Variants in TAF5L observed in about 807,000 individuals in gnomAD.
TAF5L encodes the protein TAF5-like RNA polymerase II p300/CBP-associated factor-associated factor 65 kDa subunit 5L.
TAF5L carries 7 observed loss-of-function variants against 51.3 expected under a neutral mutation model. The observed-to-expected ratio is 0.14, with a 90% CI of 0.08 to 0.26. TAF5L has a LOEUF of 0.26. TAF5L is among the 10% of genes least tolerant of loss of function. The pLI, the probability that TAF5L is intolerant of heterozygous loss-of-function variation, is 1.00. For synonymous variants in TAF5L, 291 were observed against 308.1 expected, an observed-to-expected ratio of 0.94 and a Z score of 0.58; for missense variants, 575 against 758.9, an observed-to-expected ratio of 0.76 and a Z score of 2.85.
chr1:229,595,077 A>C, exon 5 of TAF5L: 1 of 1,600,032 alleles, frequency 6.2e-7, no homozygotes, highest in Non-Finnish European at 8.5e-7. Context: ...CCGTGCCTGC[A>C]TTATCATCCT....
chr1:229,618,661 T>C (rs968541810), intron 1 of TAF5L, among the ~76,000 whole-genome samples: 3 of 152,176 alleles, frequency 2.0e-5, no homozygotes, highest in South Asian at 2.1e-4. Flanking sequence ...TGGAGATACA[T>C]GGAACCCAGG....
intron 1 of TAF5L, among the ~76,000 whole-genome samples, chr1:229,621,420 A>C (rs1418615175): frequency 6.6e-6 from 1 of 152,190 alleles, no homozygotes; most frequent in Non-Finnish European, 1.5e-5. Flanking sequence ...ACCTTGATAC[A>C]CCTTACTGGG....
chr1:229,594,433 C>T lies in TAF5L; in HGVS notation c.1634G>A (p.Ser545Asn). The change falls in exon 5 of 5, where the codon AGT (serine) becomes AAT (asparagine). Residue 545 changes from serine to asparagine, a missense_variant. Transcript: ENST00000258281. The surrounding 1 kb of genome is among the most constrained non-coding windows in gnomAD (Gnocchi z 7.9). ...GCTGGAGGAGCCGTCGGCAGGTGCA[C>T]TGCAGTAAGTGTTCCTGATGTCCCA... 1 of 1,614,200 alleles carries T rather than the reference C, an allele frequency of 6.2e-7. No individual in the cohort carries two copies. The highest frequency in any genetic ancestry group is 8.5e-7 in the Non-Finnish European group (1 of 1,180,036).
chr1:229,599,825 G>A (rs139214688), intron 4 of TAF5L: 13 of 985,338 alleles, frequency 1.3e-5, no homozygotes, highest in East Asian at 2.3e-4. Flanking sequence ...TGTGAACACC[G>A]TTTCAAATAC....
At chr1:229,600,056 T>A in intron 4 of TAF5L, 1 of 976,970 alleles carries the variant, frequency 1.0e-6, no homozygotes, top group Admixed American at 6.1e-5. Context: ...TTATTTTTTT[T>A]AATATTCAAT....
chr1:229,607,445 G>A (rs1664637244), intron 3 of TAF5L: 2 of 985,380 alleles, frequency 2.0e-6, no homozygotes, highest in South Asian at 9.4e-5. Context: ...AGTTGTTCCT[G>A]TACAGTCGTC....
intron 4 of TAF5L, chr1:229,601,792 A>G (rs1664385017): frequency 2.0e-6 from 2 of 1,021,308 alleles, no homozygotes; most frequent in South Asian, 7.6e-5. Context: ...AATAATATTC[A>G]TTACAGTTGA....
chr1:229,622,999 G>C (rs543260931), intron 1 of TAF5L, among the ~76,000 whole-genome samples: 4 of 152,188 alleles, frequency 2.6e-5, no homozygotes, highest in Non-Finnish European at 5.9e-5. Flanking sequence ...TACTGCCGCC[G>C]GGCACGGTGG....
At chr1:229,614,082 A>G (rs1352403702) in intron 2 of TAF5L, 2 of 631,650 alleles carry the variant, frequency 3.2e-6, no homozygotes, top group Non-Finnish European at 5.6e-6. Flanking sequence ...AGATAAAGTA[A>G]CTGAGAAGTC....
rs928648760 is a variant in TAF5L at position 229,594,479 on chromosome 1, T to G, written c.1588A>C (p.Met530Leu). 6.2e-7 allele frequency: 1 copy of G among 1,614,042 alleles called. No homozygotes were observed. The highest frequency in any genetic ancestry group is 2.2e-5 in the East Asian group (1 of 44,860). ...TCCCAGACGCGCACCGAGTTGTCCA[T>G]GGAGGCAGAGGCAATCAAGCCGCTG... The change falls in exon 5 of 5, where the codon ATG (methionine) becomes CTG (leucine). Residue 530 changes from methionine (M) to leucine (L), a missense_variant. Physicochemically the swap from Met to Leu is conservative, Grantham distance 15. Coordinates refer to ENST00000258281, the Ensembl canonical transcript of TAF5L. The surrounding 1 kb of genome is among the most constrained non-coding windows in gnomAD (Gnocchi z 7.9).
chr1:229,619,067 TA>T (rs1665111526), intron 1 of TAF5L, among the ~76,000 whole-genome samples: 4 of 152,182 alleles, frequency 2.6e-5, no homozygotes, highest in African/African-American at 9.7e-5. Flanking sequence ...AGAAAAAAAT[TA>T]TTTTTTTGCA....
intron 3 of TAF5L, among the ~76,000 whole-genome samples, chr1:229,608,263 A>T (rs1229599923): frequency 6.6e-6 from 1 of 152,206 alleles, no homozygotes; most frequent in Non-Finnish European, 1.5e-5. Context: ...TACAAAATAA[A>T]ACCCTCTAGT....
rs956038828 is a variant in TAF5L at position 229,600,532 on chromosome 1, G to A, written c.972+1663C>T. The A allele has an allele frequency of 1.8e-5, 18 of 985,224 alleles. No individual in the cohort carries two copies. The East Asian group carries it at 1.1e-3, about 62-fold the overall frequency. The allele number at this position is 985,224 out of a possible 1,614,324, so 61.0% of individuals were successfully genotyped here. Reference sequence around the variant, plus strand: ...TATCCCCTACAGTAATTGAATAACCGAGCTCTTCTCTAGTCCATCCATGTC... The same window carrying A: ...TATCCCCTACAGTAATTGAATAACCAAGCTCTTCTCTAGTCCATCCATGTC... On this transcript the variant is annotated intron_variant, in intron 4 of 4. Coordinates refer to ENST00000258281, the Ensembl canonical transcript of TAF5L.
chr1:229,625,612 G>C lies in TAF5L; in HGVS notation c.-4+273C>G, dbSNP rs1413087958. On this transcript the variant is annotated intron_variant, in intron 1 of 4. Transcript: ENST00000258281. This position sits in a 1 kb window ranked among gnomAD's most constrained non-coding sequence, Gnocchi z 4.0. ...GCAGGACCCACCCCTGCGCAGGAAC[G>C]CGACGCCAGTCCAGGTGTAGCCGCC... Among the ~76,000 whole-genome samples, 1 of 151,656 alleles carries C rather than the reference G, an allele frequency of 6.6e-6. No individual in the cohort carries two copies. The highest frequency in any genetic ancestry group is 1.5e-5 in the Non-Finnish European group (1 of 67,874).
intron 1 of TAF5L, among the ~76,000 whole-genome samples, chr1:229,620,788 T>C (rs373931125): frequency 2.6e-5 from 4 of 152,330 alleles, no homozygotes; most frequent in East Asian, 3.9e-4. Flanking sequence ...CTTGACTACA[T>C]AAAGAAAACT....
chr1:229,603,018 C>A, intron 3 of TAF5L, 99 bp from the exon 4 acceptor site: 1 of 1,452,546 alleles, frequency 6.9e-7, no homozygotes, highest in Non-Finnish European at 9.0e-7. Context: ...GCTTTCTTGC[C>A]AGGACCCCAT....
intron 1 of TAF5L, among the ~76,000 whole-genome samples, chr1:229,620,420 T>C (rs1665161429): frequency 1.3e-5 from 2 of 152,210 alleles, no homozygotes; most frequent in African/African-American, 4.8e-5. Context: ...CCTCCTCATA[T>C]GGCCCTTTGA....
At chr1:229,597,977 C>T (rs1193122664) in intron 4 of TAF5L, among the ~76,000 whole-genome samples, 1 of 152,102 alleles carries the variant, frequency 6.6e-6, no homozygotes, top group Non-Finnish European at 1.5e-5. Context: ...GGAATTTAGC[C>T]TCCATCTATT....
Position 229,602,340 on chromosome 1 carries a change from A to G in TAF5L, c.827T>C (p.Ile276Thr), listed in dbSNP as rs1664408429. Reference sequence around the variant, plus strand: ...AGCAAGCAGCTTGCTATCGGGGGAGATTTCTGCAGTGTTCAACAGCTGCTC... The same window carrying G: ...AGCAAGCAGCTTGCTATCGGGGGAGGTTTCTGCAGTGTTCAACAGCTGCTC... Residue 276 changes from isoleucine (I) to threonine (T), a missense_variant, in exon 4 of 5, where the codon ATC becomes ACC. This residue lies in a region of TAF5L where 380 missense variants were observed against 443.7 expected (regional missense o/e 0.86). Transcript: ENST00000258281. This position sits in a 1 kb window ranked among gnomAD's most constrained non-coding sequence, Gnocchi z 4.6. 5.0e-6 allele frequency: 8 copies of G among 1,614,122 alleles called. No individual in the cohort carries two copies. The South Asian group carries it at 5.5e-5, about 11-fold the overall frequency.
Sources: gnomAD v4.1 joint callset for allele counts (sites outside exome capture counted in the v4.1 genomes callset) on GRCh38, gnomAD v4.1.1 for gene constraint, gnomAD v4.1.1 regional missense constraint, Gnocchi (gnomAD v3.1) non-coding constraint, MANE v1.5 for transcripts, NCBI Gene and HGNC (gene_info 2026-07-23, HGNC 2026-07-21) for gene names.